Variants in CAMKK1 observed in about 807,000 individuals in gnomAD.
CAMKK1 encodes calcium/calmodulin dependent protein kinase kinase 1, also known as calcium/calmodulin-dependent protein kinase kinase 1.
CAMKK1 carries 20 observed loss-of-function variants against 63.5 expected under a neutral mutation model. That is an observed-to-expected ratio of 0.32 (90% CI 0.22 to 0.46). The LOEUF is 0.46. CAMKK1 is among the 20% of genes least tolerant of loss of function. The pLI is 1.00. For missense variants in CAMKK1, 588 were observed against 658.1 expected, an observed-to-expected ratio of 0.89 and a Z score of 1.17; for synonymous variants, 253 against 269.0, an observed-to-expected ratio of 0.94 and a Z score of 0.58.
chr17:3,869,965 C>T, intron 12 of CAMKK1, 77 bp from the exon 13 acceptor site: 10 of 1,210,842 alleles, frequency 8.3e-6, no homozygotes, highest in Non-Finnish European at 1.1e-5. Context: ...CTTCCCGAAA[C>T]CTTCGTCCCT....
rs769189816 is a variant in CAMKK1, at chr17:3,884,422, G to A, written c.366C>T (p.Cys122=). 21 of 1,613,448 alleles carry A rather than the reference G, an allele frequency of 1.3e-5. No individual in the cohort carries two copies. Among genetic ancestry groups the A allele is most frequent in the Middle Eastern group, 3.3e-4 (2 of 6,078 alleles). ...GCAGCTTGTACTGGTTCAGCTGCACGCAGTCCTGTGGGGGAAGAGCGAGCA... is the reference window on the plus strand; with the variant it reads ...GCAGCTTGTACTGGTTCAGCTGCACACAGTCCTGTGGGGGAAGAGCGAGCA... ...HHVAISDAED[C]VQLNQYKLQS... Residue 122 remains cysteine (C), a synonymous_variant, in exon 3 of 16, where the codon TGC becomes TGT. Coordinates refer to ENST00000348335, the MANE Select transcript of CAMKK1 (RefSeq NM_032294.3). The surrounding 1 kb of genome is among the most constrained non-coding windows in gnomAD (Gnocchi z 4.5).
At chr17:3,886,041 A>T (rs932627713) in intron 1 of CAMKK1, among the ~76,000 whole-genome samples, 13 of 152,256 alleles carry the variant, frequency 8.5e-5, no homozygotes, top group Non-Finnish European at 1.8e-4. Context: ...AGAAGCCTGG[A>T]GGCCCAGCAG....
chr17:3,891,110 G>A (rs1349262950), intron 1 of CAMKK1, among the ~76,000 whole-genome samples: 1 of 81,038 alleles, frequency 1.2e-5, no homozygotes, highest in East Asian at 3.2e-4. Context: ...GGGCAAGGTT[G>A]GGGGGGGGGT....
intron 15 of CAMKK1, among the ~76,000 whole-genome samples, chr17:3,863,809 T>C (rs1196895054): frequency 6.6e-6 from 1 of 152,186 alleles, no homozygotes; most frequent in Non-Finnish European, 1.5e-5. Context: ...GTCACTCTGT[T>C]TGCCAGGTAC....
rs1567640180 is a variant in CAMKK1, at chr17:3,890,009, A to AGGCAGGGGACCAGCTACG, written c.-44+2929_-44+2930insCGTAGCTGGTCCCCTGCC. On this transcript the variant is annotated intron_variant, in intron 1 of 15. Coordinates refer to ENST00000348335, the MANE Select transcript of CAMKK1 (RefSeq NM_032294.3). The surrounding 1 kb of genome is among the most constrained non-coding windows in gnomAD (Gnocchi z 6.5). ...CAAGCCGAGGCAGGGGACCAGCTAC[A>AGGCAGGGGACCAGCTACG]TCCAGGCGAGGGGATGGACAGCCGT... Among the ~76,000 whole-genome samples the AGGCAGGGGACCAGCTACG allele has an allele frequency of 3.9e-5, 6 of 152,082 alleles. No individual in the cohort carries two copies. The highest frequency in any genetic ancestry group is 8.8e-5 in the Non-Finnish European group (6 of 67,990).
At chr17:3,875,079 G>A (rs866705265) in intron 10 of CAMKK1, among the ~76,000 whole-genome samples, 3 of 151,966 alleles carry the variant, frequency 2.0e-5, no homozygotes, top group African/African-American at 2.4e-5. Flanking sequence ...CTGAGATCGC[G>A]CCACTGCACT....
rs963213980 is a variant in CAMKK1 at position 3,862,367 on chromosome 17, T to A, written c.1446-84A>T. The stretch of plus-strand genomic sequence containing the variant: ...ACACTCTCCCTCACACACACAGGAA[T>A]CTGAATCCCACATCTCTCAAAGCCC... On this transcript the variant is annotated intron_variant, in intron 15 of 15. Transcript: ENST00000348335. This position sits in a 1 kb window ranked among gnomAD's most constrained non-coding sequence, Gnocchi z 4.1. 4.4e-6 allele frequency: 5 copies of A among 1,142,468 alleles called. No individual in the cohort carries two copies. In the African/African-American group the frequency reaches 4.6e-5, roughly 11 times the overall value. 70.8% of individuals were successfully genotyped at this position (1,142,468 alleles called of 1,614,324 possible).
At chr17:3,886,441 G>A (rs1393227759) in intron 1 of CAMKK1, among the ~76,000 whole-genome samples, 1 of 152,184 alleles carries the variant, frequency 6.6e-6, no homozygotes. Flanking sequence ...AGACTAGCCT[G>A]GCTAACATGG....
rs189221108 is a variant in CAMKK1 at position 3,870,587 on chromosome 17, G to A, written c.1125-699C>T. Among the ~76,000 whole-genome samples, 26 of 152,130 alleles carry A rather than the reference G, an allele frequency of 1.7e-4. No individual in the cohort carries two copies. The East Asian group carries it at 2.5e-3, about 15-fold the overall frequency. ...TCACCGTGTTAGCCAGGATGATCTCGATCTCCTGATCTCATGATCCGCCTG... is the reference window on the plus strand; with the variant it reads ...TCACCGTGTTAGCCAGGATGATCTCAATCTCCTGATCTCATGATCCGCCTG... On this transcript the variant is annotated intron_variant, in intron 12 of 15. Transcript: ENST00000348335.
chr17:3,871,480 G>A (rs1466838889), intron 12 of CAMKK1, among the ~76,000 whole-genome samples: 4 of 149,108 alleles, frequency 2.7e-5, no homozygotes, highest in Non-Finnish European at 4.4e-5. Context: ...TCAGCCTCTC[G>A]AGTAGCTGGG....
At chr17:3,878,809 C>CATTT (rs10570698) in intron 9 of CAMKK1, 1 of 151,030 alleles carries the variant, frequency 6.6e-6, no homozygotes, top group Admixed American at 6.6e-5. Flanking sequence ...TGTATGTATG[C>CATTT]ATTTATTTAT....
At chr17:3,880,491 C>T in intron 8 of CAMKK1, 57 bp from the exon 9 acceptor site, 5 of 1,430,354 alleles carry the variant, frequency 3.5e-6, no homozygotes, top group Non-Finnish European at 4.9e-6. Context: ...CCCGGCCATT[C>T]AGGTGGTCGG....
chr17:3,865,908 A>G lies in CAMKK1; in HGVS notation c.1445T>C (p.Val482Ala), dbSNP rs2054500865. 6.2e-7 allele frequency: 1 copy of G among 1,614,048 alleles called. No homozygotes were observed. The highest frequency in any genetic ancestry group is 8.5e-7 in the Non-Finnish European group (1 of 1,179,996). ...RSMSAPGNLL[V>A]KEGFGEGGKS... is the part of the protein sequence containing the mutation. ...CAGTCCCTGGCCCACCAGTACTTAC[A>G]CCAGTAGGTTTCCTGGAGCAGACAT... The change falls in exon 15 of 16, where the codon GTG (valine) becomes GCG (alanine). Residue 482 changes from valine (V) to alanine (A), a missense_variant and splice_region_variant. By Grantham distance (64) the Val-to-Ala change is moderately conservative. Coordinates refer to ENST00000348335, the MANE Select transcript of CAMKK1 (RefSeq NM_032294.3).
At position 3,884,550 on chromosome 17, in the gene CAMKK1, C is replaced by T; in HGVS notation, c.361-123G>A. ...CTCATTCCCGGACCCCCAGGTCTCA[C>T]CAAGCTTTTGAGTTTGGATGGGGAA... On this transcript the variant is annotated intron_variant, in intron 2 of 15. Coordinates refer to ENST00000348335, the MANE Select transcript of CAMKK1 (RefSeq NM_032294.3). The surrounding 1 kb of genome is among the most constrained non-coding windows in gnomAD (Gnocchi z 4.5). The T allele has an allele frequency of 2.3e-6, 2 of 861,766 alleles. No individual in the cohort carries two copies. The allele number at this position is 861,766 out of a possible 1,614,324, so 53.4% of individuals were successfully genotyped here.
chr17:3,880,285 G>T, intron 9 of CAMKK1, 61 bp downstream of exon 9: 1 of 1,427,564 alleles, frequency 7.0e-7, no homozygotes. Context: ...CTCAGCCTGG[G>T]CTCTGCCGCC....
At chr17:3,874,334 A>G (rs575259799) in intron 10 of CAMKK1, among the ~76,000 whole-genome samples, 1 of 152,344 alleles carries the variant, frequency 6.6e-6, no homozygotes, top group South Asian at 2.1e-4. Context: ...GTACAGTATC[A>G]GGACAACTGA....
chr17:3,865,695 C>A, intron 15 of CAMKK1: 1 of 1,410,624 alleles, frequency 7.1e-7, no homozygotes, highest in Non-Finnish European at 9.2e-7. Flanking sequence ...GGGATGCTGG[C>A]CCCAGGAATG....
At chr17:3,874,367 G>A (rs2055043878) in intron 10 of CAMKK1, among the ~76,000 whole-genome samples, 1 of 152,104 alleles carries the variant, frequency 6.6e-6, no homozygotes, top group African/African-American at 2.4e-5. Context: ...AAGGTCTGTG[G>A]ATTATGTATG....
chr17:3,869,681 G>A, intron 13 of CAMKK1, 66 bp from the exon 14 acceptor site: 2 of 1,610,764 alleles, frequency 1.2e-6, no homozygotes, highest in South Asian at 1.1e-5. Flanking sequence ...ACCTGGAGGG[G>A]TCCAAAGTCC....
Sources: gnomAD v4.1 joint callset for allele counts (sites outside exome capture counted in the v4.1 genomes callset) on GRCh38, gnomAD v4.1.1 for gene constraint, Gnocchi (gnomAD v3.1) non-coding constraint, MANE v1.5 for transcripts, NCBI Gene and HGNC (gene_info 2026-07-23, HGNC 2026-07-21) for gene names.